Variants in WDR88 observed in about 807,000 individuals in gnomAD.
WDR88 encodes WD repeat domain 88, also known as WD repeat-containing protein 88.
Under a neutral mutation model 46.8 loss-of-function variants are expected in WDR88, and 40 were observed. The observed-to-expected ratio is 0.86, with a 90% CI of 0.66 to 1.11. WDR88 has a LOEUF of 1.11. Ranked by LOEUF, WDR88 falls within the 50% of genes most tolerant of loss-of-function variation. The probability of loss-of-function intolerance (pLI) is 0.00; values close to 1 mark genes in which losing one functional copy is unlikely to be tolerated. For synonymous variants in WDR88, 235 were observed against 240.7 expected (o/e 0.98, Z 0.22); for missense variants, 562 against 602.4 (o/e 0.93, Z 0.70).
chr19:33,136,539 G>A (rs1341788583), intron 1 of WDR88, among the ~76,000 whole-genome samples: 1 of 151,854 alleles, frequency 6.6e-6, no homozygotes, highest in Non-Finnish European at 1.5e-5. Flanking sequence ...GTCATGCTGA[G>A]AATCTTTTCA....
At position 33,151,263 on chromosome 19, in the gene WDR88, C is replaced by T. The variant is rs1599896101; in HGVS notation, c.762C>T (p.Ile254=). Residue 254 remains isoleucine (I), a synonymous_variant, in exon 6 of 11, where the codon ATC becomes ATT. Coordinates refer to ENST00000355868, the MANE Select transcript of WDR88 (RefSeq NM_173479.4). The part of the protein sequence containing the change: ...RVASVSLDRC[I]KIWDVTSQAT... Reference sequence around the variant, plus strand: ...CTTCTGTCTCATTGGACAGGTGCATCAAGATCTGGGATGTTACATCCCAGG... The same window carrying T: ...CTTCTGTCTCATTGGACAGGTGCATTAAGATCTGGGATGTTACATCCCAGG... The T allele has an allele frequency of 6.2e-7, 1 of 1,613,684 alleles. No individual in the cohort carries two copies. Among genetic ancestry groups the T allele is most frequent in the East Asian group, 2.2e-5 (1 of 44,868 alleles).
intron 8 of WDR88, among the ~76,000 whole-genome samples, chr19:33,163,725 C>T (rs545961086): frequency 6.6e-5 from 10 of 151,426 alleles, no homozygotes; most frequent in Non-Finnish European, 1.3e-4. Context: ...TCAACCTCCC[C>T]GGGCTCCGGT....
At chr19:33,160,786 A>G (rs1365416805) in intron 8 of WDR88, among the ~76,000 whole-genome samples, 1 of 152,212 alleles carries the variant, frequency 6.6e-6, no homozygotes, top group African/African-American at 2.4e-5. Context: ...AAAGGACTAC[A>G]TAAGTGGGGA....
intron 1 of WDR88, among the ~76,000 whole-genome samples, chr19:33,134,598 C>T (rs1973211774): frequency 6.6e-6 from 1 of 151,418 alleles, no homozygotes; most frequent in African/African-American, 2.4e-5. Flanking sequence ...GGGGGCGGTG[C>T]GGGAGGGCCG....
chr19:33,166,814 G>T (rs1973961850), intron 9 of WDR88, among the ~76,000 whole-genome samples: 1 of 152,034 alleles, frequency 6.6e-6, no homozygotes, highest in Non-Finnish European at 1.5e-5. Flanking sequence ...CACTCAGGAG[G>T]CTGAGATGGG....
At chr19:33,157,531 A>G (rs1225125561) in intron 7 of WDR88, among the ~76,000 whole-genome samples, 1 of 133,996 alleles carries the variant, frequency 7.5e-6, no homozygotes, top group African/African-American at 3.3e-5. Flanking sequence ...ATGTGTATAT[A>G]TATATATATG....
At chr19:33,149,811 C>A (rs986954832) in intron 5 of WDR88, among the ~76,000 whole-genome samples, 3 of 152,122 alleles carry the variant, frequency 2.0e-5, no homozygotes, top group Non-Finnish European at 4.4e-5. Flanking sequence ...AGGCACCCAC[C>A]ACCACGCCCA....
chr19:33,153,350 C>T (rs945389393), intron 6 of WDR88, among the ~76,000 whole-genome samples: 1 of 151,662 alleles, frequency 6.6e-6, no homozygotes, highest in African/African-American at 2.4e-5. Context: ...CAGGTGTGAG[C>T]CACTGCACCT....
chr19:33,165,185 C>G (rs192981602), intron 9 of WDR88, among the ~76,000 whole-genome samples: 2 of 152,132 alleles, frequency 1.3e-5, no homozygotes, highest in Non-Finnish European at 2.9e-5. Flanking sequence ...CCCTGCTCAC[C>G]TCCTGCTGTG....
At chr19:33,145,504 T>C (rs1384234743) in intron 3 of WDR88, among the ~76,000 whole-genome samples, 2 of 151,272 alleles carry the variant, frequency 1.3e-5, no homozygotes, top group Non-Finnish European at 2.9e-5. Context: ...AGTGTACTGG[T>C]ATGAAAATGT....
intron 1 of WDR88, among the ~76,000 whole-genome samples, chr19:33,134,689 G>A (rs1056852578): frequency 2.6e-5 from 4 of 151,928 alleles, no homozygotes; most frequent in South Asian, 2.1e-4. Flanking sequence ...CTGGCCCGAC[G>A]GGGTTAGCGA....
At chr19:33,154,653 C>T (rs1973700784) in intron 6 of WDR88, among the ~76,000 whole-genome samples, 1 of 152,196 alleles carries the variant, frequency 6.6e-6, no homozygotes, top group African/African-American at 2.4e-5. Context: ...GTGAATAATG[C>T]TGCAATAAAC....
chr19:33,173,226 G>T (rs1372601984), intron 10 of WDR88, among the ~76,000 whole-genome samples: 1 of 152,194 alleles, frequency 6.6e-6, no homozygotes, highest in South Asian at 2.1e-4. Flanking sequence ...GCTTGGAGGG[G>T]ATGAGACCTG....
intron 1 of WDR88, among the ~76,000 whole-genome samples, chr19:33,136,186 G>A (rs1973262220): frequency 1.3e-5 from 2 of 152,038 alleles, no homozygotes; most frequent in African/African-American, 4.8e-5. Flanking sequence ...CTCATGAGTA[G>A]CTGGGATTAC....
At chr19:33,167,082 G>T (rs1973965344) in intron 9 of WDR88, among the ~76,000 whole-genome samples, 1 of 152,022 alleles carries the variant, frequency 6.6e-6, no homozygotes, top group Non-Finnish European at 1.5e-5. Context: ...GCACAAGTTG[G>T]ATACCAAAGC....
At chr19:33,142,851 C>CAAAAAAAAAAAAAAA (rs74174644) in intron 2 of WDR88, 1 of 19,534 alleles carries the variant, frequency 5.1e-5, no homozygotes, top group Non-Finnish European at 7.5e-5. Context: ...ACTAAAAATA[C>CAAAAAAAAAAAAAAA]AAAAAAAAAA....
At chr19:33,170,476 G>A (rs1330522424) in intron 9 of WDR88, among the ~76,000 whole-genome samples, 3 of 151,902 alleles carry the variant, frequency 2.0e-5, no homozygotes, top group East Asian at 1.9e-4. Flanking sequence ...CACTGTGCCC[G>A]GCCCATTTTG....
rs144375296 is a variant in WDR88, at chr19:33,171,791, T to G, written c.1150-557T>G. 5.5e-3 allele frequency among the ~76,000 whole-genome samples: 806 copies of G among 147,126 alleles called. 3 individuals carry two copies. Among genetic ancestry groups the G allele is most frequent in the Middle Eastern group, 0.018 (5 of 284 alleles). On this transcript the variant is annotated intron_variant, in intron 9 of 10. Coordinates refer to ENST00000355868, the MANE Select transcript of WDR88 (RefSeq NM_173479.4). ...TATAGTTTTGTTTGTTTGTTTGTTT[T>G]GAGACAGAGTCTCACTCTGTCGCAC...
At chr19:33,151,612 G>A (rs2090284045) in intron 6 of WDR88, among the ~76,000 whole-genome samples, 2 of 152,204 alleles carry the variant, frequency 1.3e-5, no homozygotes, top group South Asian at 4.1e-4. Flanking sequence ...TGGGCGTGTG[G>A]CTCATGGCTA....
Sources: gnomAD v4.1 joint callset for allele counts (sites outside exome capture counted in the v4.1 genomes callset) on GRCh38, gnomAD v4.1.1 for gene constraint, MANE v1.5 for transcripts, NCBI Gene and HGNC (gene_info 2026-07-23, HGNC 2026-07-21) for gene names.